Variants in CSGALNACT1 observed in about 807,000 individuals in gnomAD.
The protein encoded by CSGALNACT1 is beta4GalNAcT-1.
A neutral mutation model predicts 51.0 loss-of-function variants in CSGALNACT1; 52 were observed. The observed-to-expected ratio is 1.02, with a 90% CI of 0.82 to 1.29. CSGALNACT1 has a LOEUF of 1.29. CSGALNACT1 is among the 50% of genes most tolerant of loss of function. CSGALNACT1 has a pLI of 0.00. For missense variants in CSGALNACT1, 935 were observed against 679.2 expected (o/e 1.38, Z -4.19); for synonymous variants, 341 against 254.4 (o/e 1.34, Z -3.24).
At position 19,727,706 on chromosome 8, in the gene CSGALNACT1, T is replaced by C. The variant is rs376577250; in HGVS notation, c.-297+30144A>G. 9.2e-5 allele frequency among the ~76,000 whole-genome samples: 14 copies of C among 152,264 alleles called. No homozygotes were observed. The East Asian group carries it at 1.5e-3, about 17-fold the overall frequency. On this transcript the variant is annotated intron_variant, in intron 1 of 1. Coordinates refer to the CSGALNACT1 transcript ENST00000517494. The stretch of plus-strand genomic sequence containing the variant: ...TTTGGTCATGGTTGATGGTTGCCCA[T>C]CAAAATGTGTCCTCCCTTTTTCCCT...
chr8:19,433,521 C>T (rs1440943270), intron 6 of CSGALNACT1, among the ~76,000 whole-genome samples: 1 of 152,214 alleles, frequency 6.6e-6, no homozygotes, highest in African/African-American at 2.4e-5. Flanking sequence ...CCTCGGGCAG[C>T]CACAAAGTTA....
intron 3 of CSGALNACT1, among the ~76,000 whole-genome samples, chr8:19,507,958 T>C (rs1380979799): frequency 2.0e-5 from 3 of 152,234 alleles, no homozygotes; most frequent in African/African-American, 4.8e-5. Flanking sequence ...ATCACTTCAC[T>C]CACAAACAAG....
chr8:19,473,697 T>A (rs567746613), intron 4 of CSGALNACT1, among the ~76,000 whole-genome samples: 1 of 152,196 alleles, frequency 6.6e-6, no homozygotes, highest in African/African-American at 2.4e-5. Flanking sequence ...CTTAGAAGCA[T>A]TGGTTTTGTT....
chr8:19,749,551 C>CT (rs2064900355), intron 1 of CSGALNACT1, among the ~76,000 whole-genome samples: 1 of 152,164 alleles, frequency 6.6e-6, no homozygotes, highest in African/African-American at 2.4e-5. Flanking sequence ...CCACACACAT[C>CT]TACCCTGGTC....
At chr8:19,667,259 A>C (rs1443166247) in intron 1 of CSGALNACT1, among the ~76,000 whole-genome samples, 2 of 99,956 alleles carry the variant, frequency 2.0e-5, no homozygotes, top group African/African-American at 5.5e-5. Context: ...CATCTCTACC[A>C]AAAAAAAAAA....
chr8:19,560,911 C>A (rs1399053615), intron 3 of CSGALNACT1, among the ~76,000 whole-genome samples: 1 of 152,194 alleles, frequency 6.6e-6, no homozygotes, highest in Non-Finnish European at 1.5e-5. Context: ...GGTGGATAAA[C>A]ACACTCATAT....
intron 3 of CSGALNACT1, among the ~76,000 whole-genome samples, chr8:19,555,161 C>T (rs566014370): frequency 2.0e-5 from 3 of 151,984 alleles, no homozygotes; most frequent in African/African-American, 7.2e-5. Context: ...ATAGCTTGAA[C>T]CCAGGAGGCA....
rs547477259 is a variant in CSGALNACT1 at position 19,543,829 on chromosome 8, G to A, written c.-296-37699C>T. ...ATGCTGATCCTGAGTCCTCCTAGTA[G>A]GACTCAAAATGTAGATGGCCTTGGG... is the stretch of plus-strand genomic sequence containing the variant. On this transcript the variant is annotated intron_variant, in intron 3 of 9. Coordinates refer to ENST00000454498, the Ensembl canonical transcript of CSGALNACT1. Among the ~76,000 whole-genome samples, 270 of 152,180 alleles carry A rather than the reference G, an allele frequency of 1.8e-3. 1 individual carries two copies. The highest frequency in any genetic ancestry group is 6.3e-3 in the African/African-American group (263 of 41,500).
At chr8:19,477,861 G>C (rs565805474) in intron 4 of CSGALNACT1, among the ~76,000 whole-genome samples, 14 of 152,288 alleles carry the variant, frequency 9.2e-5, no homozygotes, top group African/African-American at 3.4e-4. Flanking sequence ...AATACTATTT[G>C]GGAGTGTGGG....
intron 1 of CSGALNACT1, among the ~76,000 whole-genome samples, chr8:19,681,531 T>C (rs2060620334): frequency 6.6e-6 from 1 of 152,310 alleles, no homozygotes; most frequent in South Asian, 2.1e-4. Context: ...ACAAGTCTCC[T>C]GGGTCTGCAT....
intron 1 of CSGALNACT1, among the ~76,000 whole-genome samples, chr8:19,667,051 GAAA>G (rs1564387155): frequency 4.9e-5 from 5 of 101,138 alleles, no homozygotes; most frequent in African/African-American, 2.0e-4. Flanking sequence ...AAGAAAGAAA[GAAA>G]GAAAGAAAGA....
intron 8 of CSGALNACT1, among the ~76,000 whole-genome samples, chr8:19,412,603 G>A (rs982731612): frequency 3.9e-5 from 6 of 152,188 alleles, no homozygotes; most frequent in Middle Eastern, 3.2e-3. Flanking sequence ...TCACAGCAAC[G>A]CCCGTTAGCA....
intron 6 of CSGALNACT1, among the ~76,000 whole-genome samples, chr8:19,421,435 T>G (rs2057914472): frequency 1.3e-5 from 2 of 152,334 alleles, no homozygotes; most frequent in South Asian, 4.1e-4. Flanking sequence ...AGGTATTGTC[T>G]TCTACCAGAT....
At chr8:19,521,287 G>A (rs1436740568) in intron 3 of CSGALNACT1, among the ~76,000 whole-genome samples, 2 of 152,090 alleles carry the variant, frequency 1.3e-5, no homozygotes, top group Admixed American at 6.6e-5. Flanking sequence ...CTATTACAAT[G>A]TTCTAAATAA....
chr8:19,560,137 T>G (rs1013327990), intron 3 of CSGALNACT1, among the ~76,000 whole-genome samples: 3 of 152,152 alleles, frequency 2.0e-5, no homozygotes, highest in Admixed American at 6.5e-5. Context: ...GCACGGACCT[T>G]GGGGGACTGA....
chr8:19,605,883 A>G (rs1391073436), upstream of CSGALNACT1, among the ~76,000 whole-genome samples: 2 of 152,234 alleles, frequency 1.3e-5, no homozygotes, highest in African/African-American at 4.8e-5. Context: ...ATTGAGATCA[A>G]TAATATTTTA....
At chr8:19,572,716 TAGCAAAC>T (rs2043287711) in intron 3 of CSGALNACT1, among the ~76,000 whole-genome samples, 1 of 152,234 alleles carries the variant, frequency 6.6e-6, no homozygotes. Flanking sequence ...GGAAATTGGA[TAGCAAAC>T]GCTAATGGCA....
chr8:19,748,846 T>C (rs2064851139), intron 1 of CSGALNACT1, among the ~76,000 whole-genome samples: 1 of 151,856 alleles, frequency 6.6e-6, no homozygotes, highest in Admixed American at 6.6e-5. Flanking sequence ...GTGCCTGTAA[T>C]CCCAGCTACT....
Position 19,718,621 on chromosome 8 carries a change from C to T in CSGALNACT1, c.-297+39229G>A, listed in dbSNP as rs972800332. On this transcript the variant is annotated intron_variant, in intron 1 of 1. Transcript: ENST00000517494. ...ATGCAATGCTTTCCCATCATGAACA[C>T]TTAGTCATTTTTTAAAAACATTGCT... Among the ~76,000 whole-genome samples the T allele has an allele frequency of 2.1e-4, 32 of 152,118 alleles. 1 individual carries two copies. Among genetic ancestry groups the T allele is most frequent in the Admixed American group, 2.0e-3 (31 of 15,262 alleles).
Sources: allele counts gnomAD v4.1 joint callset (sites outside exome capture counted in the v4.1 genomes callset), GRCh38; gene constraint gnomAD v4.1.1; transcripts MANE v1.5; gene names NCBI Gene and HGNC (gene_info 2026-07-23, HGNC 2026-07-21).